HDAC4: variants seen among roughly 807,000 people sequenced by gnomAD.
HDAC4 encodes histone deacetylase 4.
HDAC4 carries 16 observed loss-of-function variants against 135.1 expected under a neutral mutation model. The ratio of observed to expected loss-of-function variants is 0.12; its 90% CI spans 0.08 to 0.18. The LOEUF is 0.18. Among genes scored for constraint, HDAC4 ranks in the 10% least tolerant of loss-of-function variants. The pLI is 1.00. For synonymous variants in HDAC4, 685 were observed against 653.4 expected, an observed-to-expected ratio of 1.05 and a Z score of -0.74; for missense variants, 1,143 against 1,511.8, an observed-to-expected ratio of 0.76 and a Z score of 4.05.
At chr2:239,228,906 C>G (rs1047697780) in intron 3 of HDAC4, among the ~76,000 whole-genome samples, 1 of 152,142 alleles carries the variant, frequency 6.6e-6, no homozygotes, top group Non-Finnish European at 1.5e-5. Flanking sequence ...CTTTGGGAGG[C>G]TGAGGTAGGC....
chr2:239,273,596 G>T (rs371198126), intron 2 of HDAC4, among the ~76,000 whole-genome samples: 1 of 152,100 alleles, frequency 6.6e-6, no homozygotes, highest in African/African-American at 2.4e-5. Flanking sequence ...CCAGCAGAAC[G>T]CCCACGCCCC....
intron 6 of HDAC4, among the ~76,000 whole-genome samples, chr2:239,159,504 C>T (rs1478534446): frequency 1.3e-5 from 2 of 150,510 alleles, no homozygotes; most frequent in African/African-American, 2.4e-5. Context: ...CACACACCCA[C>T]ACTTCATGCC....
At chr2:239,184,072 A>G (rs1245067699) in intron 4 of HDAC4, among the ~76,000 whole-genome samples, 1 of 78,990 alleles carries the variant, frequency 1.3e-5, no homozygotes, top group Admixed American at 1.8e-4. Flanking sequence ...GCTAGTGTAA[A>G]AAAAAAAAAA....
chr2:239,228,297 T>A (rs2153152188), intron 3 of HDAC4, among the ~76,000 whole-genome samples: 1 of 152,262 alleles, frequency 6.6e-6, no homozygotes, highest in South Asian at 2.1e-4. Flanking sequence ...GCTGCCCCCA[T>A]GTCTGCCAGG....
At chr2:239,387,648 C>A (rs1695912069) in intron 1 of HDAC4, among the ~76,000 whole-genome samples, 1 of 152,318 alleles carries the variant, frequency 6.6e-6, no homozygotes, top group Admixed American at 6.5e-5. Flanking sequence ...TCAGCCAGGG[C>A]AGGGATACTG....
chr2:239,151,351 T>C (rs954785807), intron 7 of HDAC4, among the ~76,000 whole-genome samples: 11 of 152,132 alleles, frequency 7.2e-5, no homozygotes, highest in Non-Finnish European at 1.2e-4. Context: ...GGATATGGTG[T>C]CGTGGGCGCC....
Position 239,068,711 on chromosome 2 carries a change from C to T in HDAC4, c.2751-104G>A. 2.0e-6 allele frequency: 2 copies of T among 996,950 alleles called. No individual in the cohort carries two copies. Among genetic ancestry groups the T allele is most frequent in the Non-Finnish European group, 3.2e-6 (2 of 623,148 alleles). 61.8% of individuals were successfully genotyped at this position (996,950 alleles called of 1,614,324 possible). On this transcript the variant is annotated intron_variant, in intron 22 of 26. Coordinates refer to ENST00000543185, the MANE Select transcript of HDAC4 (RefSeq NM_001378414.1). The surrounding 1 kb of genome is among the most constrained non-coding windows in gnomAD (Gnocchi z 4.4). ...GGCATTGATAATGCCTGCCCCGCAC[C>T]CCCTCGGCCACTGGCGGGCTGAGGG...
At chr2:239,120,713 C>G (rs3791437) in intron 12 of HDAC4, among the ~76,000 whole-genome samples, 20,180 of 151,386 alleles carry the variant, frequency 0.13, 1,477 homozygotes, top group East Asian at 0.3. Context: ...AAGTGGTGTG[C>G]CTGCCTTTCT....
In HDAC4 at chr2:239,052,856, T is replaced by C; in HGVS notation, c.*241A>G. ...CTTGGCTTCCGCGTGTCCGTGTGTC[T>C]GCGCGTCGCCGGCGTCTGTCCCGTG... On this transcript the variant is annotated 3_prime_UTR_variant, in exon 27 of 27. Transcript: ENST00000543185. 3.5e-6 allele frequency: 2 copies of C among 571,938 alleles called. No individual in the cohort carries two copies. The highest frequency in any genetic ancestry group is 3.1e-6 in the Non-Finnish European group (1 of 318,448). The allele number at this position is 571,938 out of a possible 1,614,324, so 35.4% of individuals were successfully genotyped here.
intron 14 of HDAC4, among the ~76,000 whole-genome samples, chr2:239,110,647 G>A (rs375864901): frequency 4.6e-5 from 7 of 152,240 alleles, no homozygotes; most frequent in African/African-American, 1.7e-4. Context: ...ACTAAGCCAC[G>A]TGATGAGAAT....
chr2:239,124,304 T>A (rs2039942286), intron 12 of HDAC4, among the ~76,000 whole-genome samples: 1 of 152,228 alleles, frequency 6.6e-6, no homozygotes, highest in Non-Finnish European at 1.5e-5. Flanking sequence ...ATGCTCCCCA[T>A]CTGCCCGCAG....
chr2:239,335,311 A>T (rs1691856199), intron 2 of HDAC4, among the ~76,000 whole-genome samples: 1 of 151,938 alleles, frequency 6.6e-6, no homozygotes, highest in Non-Finnish European at 1.5e-5. Context: ...AAATACTGTT[A>T]GGCCAACTGA....
At position 239,237,125 on chromosome 2, in the gene HDAC4, G is replaced by A. The variant is rs377341228; in HGVS notation, c.23-461C>T. On this transcript the variant is annotated intron_variant, in intron 2 of 26. Coordinates refer to ENST00000543185, the MANE Select transcript of HDAC4 (RefSeq NM_001378414.1). ...GCAGACAGGGAAGGAGGCAAGCTGA[G>A]GCCACTCTAGCTGCAAATAGGCATG... Among the ~76,000 whole-genome samples the A allele has an allele frequency of 3.4e-4, 52 of 152,290 alleles. No individual in the cohort carries two copies. In the South Asian group the frequency reaches 0.01, roughly 30 times the overall value.
chr2:239,241,379 A>C (rs2048166781), intron 2 of HDAC4, among the ~76,000 whole-genome samples: 1 of 152,216 alleles, frequency 6.6e-6, no homozygotes, highest in African/African-American at 2.4e-5. Context: ...TGTCTTTCCC[A>C]GATGACCAAT....
intron 2 of HDAC4, among the ~76,000 whole-genome samples, chr2:239,290,540 A>G (rs931060311): frequency 3.3e-5 from 5 of 152,218 alleles, no homozygotes; most frequent in African/African-American, 1.2e-4. Context: ...CAATCTTTAG[A>G]AAAATCAAAC....
rs912639113 is a variant in HDAC4, at chr2:239,146,346, C to T, written c.734-1632G>A. 6.6e-6 allele frequency among the ~76,000 whole-genome samples: 1 copy of T among 152,238 alleles called. No individual in the cohort carries two copies. The highest frequency in any genetic ancestry group is 1.5e-5 in the Non-Finnish European group (1 of 68,044). ...CCCACATGGGCTCTGCAGGGATTCCCCGGGCCTGGGACAGGAGCCACTTCT... is the reference window on the plus strand; with the variant it reads ...CCCACATGGGCTCTGCAGGGATTCCTCGGGCCTGGGACAGGAGCCACTTCT... On this transcript the variant is annotated intron_variant, in intron 7 of 26. Coordinates refer to ENST00000543185, the MANE Select transcript of HDAC4 (RefSeq NM_001378414.1). The surrounding 1 kb of genome is among the most constrained non-coding windows in gnomAD (Gnocchi z 4.5).
chr2:239,198,600 G>C (rs916242111), intron 3 of HDAC4, among the ~76,000 whole-genome samples: 2 of 152,188 alleles, frequency 1.3e-5, no homozygotes, highest in Admixed American at 1.3e-4. Context: ...CTTTGTGGCA[G>C]CGCAGCTTCC....
intron 2 of HDAC4, among the ~76,000 whole-genome samples, chr2:239,311,452 T>C (rs1369504552): frequency 6.6e-6 from 1 of 152,322 alleles, no homozygotes; most frequent in Admixed American, 6.5e-5. Context: ...ACATAACTCC[T>C]GGCACTCCTT....
intron 2 of HDAC4, among the ~76,000 whole-genome samples, chr2:239,326,837 C>T (rs992597380): frequency 7.2e-5 from 11 of 152,240 alleles, no homozygotes; most frequent in Admixed American, 6.5e-4. Flanking sequence ...CCCACATCCA[C>T]CGCACCTGAG....
Sources: allele counts gnomAD v4.1 joint callset (sites outside exome capture counted in the v4.1 genomes callset), GRCh38; gene constraint gnomAD v4.1.1; non-coding constraint Gnocchi (gnomAD v3.1); transcripts MANE v1.5; gene names NCBI Gene and HGNC (gene_info 2026-07-23, HGNC 2026-07-21).